RHPN2: variants seen among roughly 807,000 people sequenced by gnomAD.
The protein encoded by RHPN2 is rhophilin Rho GTPase binding protein 2, also known as rhophilin-2.
In RHPN2, 40 loss-of-function variants were observed where a neutral mutation model predicts 79.0. That is an observed-to-expected ratio of 0.51 (90% CI 0.39 to 0.66). The LOEUF (loss-of-function observed/expected upper bound fraction) is 0.66, where lower values mean the gene tolerates loss of function less well. Ranked by LOEUF, RHPN2 falls within the 30% of genes least tolerant of loss-of-function variation. RHPN2 has a pLI of 0.00. For missense variants in RHPN2, 686 were observed against 883.5 expected (o/e 0.78, Z 2.83); for synonymous variants, 285 against 363.5 (o/e 0.78, Z 2.46).
At chr19:33,038,152 A>G (rs1972073467) in intron 2 of RHPN2, among the ~76,000 whole-genome samples, 1 of 151,952 alleles carries the variant, frequency 6.6e-6, no homozygotes. Context: ...GAGTTTGAGA[A>G]CAGCCTGGAC....
chr19:33,060,285 A>G (rs937745783), intron 1 of RHPN2, among the ~76,000 whole-genome samples: 1 of 151,918 alleles, frequency 6.6e-6, no homozygotes, highest in Non-Finnish European at 1.5e-5. Flanking sequence ...AGGTGGGACC[A>G]TAGCTGGGTG....
At chr19:33,058,147 G>A (rs1387045643) in intron 1 of RHPN2, among the ~76,000 whole-genome samples, 2 of 152,088 alleles carry the variant, frequency 1.3e-5, no homozygotes, top group East Asian at 1.9e-4. Flanking sequence ...GCAACAGAGC[G>A]AGACTCCATT....
At chr19:33,014,540 A>G (rs1313328863) in intron 4 of RHPN2, among the ~76,000 whole-genome samples, 1 of 152,094 alleles carries the variant, frequency 6.6e-6, no homozygotes, top group Non-Finnish European at 1.5e-5. Context: ...TCCTGGCCTC[A>G]GGTGATCCTC....
intron 6 of RHPN2, among the ~76,000 whole-genome samples, chr19:33,010,425 C>T (rs1318572681): frequency 6.6e-6 from 1 of 151,260 alleles, no homozygotes; most frequent in Non-Finnish European, 1.5e-5. Context: ...CTCTGTCACC[C>T]AGGCTGGAGT....
chr19:33,045,464 C>T (rs1437025342), intron 1 of RHPN2, among the ~76,000 whole-genome samples: 1 of 151,862 alleles, frequency 6.6e-6, no homozygotes, highest in East Asian at 1.9e-4. Context: ...AGTTACAGAA[C>T]CATCAGTGCT....
At chr19:32,994,876 A>G (rs1971688400) in intron 11 of RHPN2, among the ~76,000 whole-genome samples, 1 of 151,620 alleles carries the variant, frequency 6.6e-6, no homozygotes, top group Admixed American at 6.6e-5. Context: ...GGCTTGAACC[A>G]GGGAGGCAGA....
At chr19:33,030,340 C>G (rs1291379127) in intron 2 of RHPN2, among the ~76,000 whole-genome samples, 1 of 152,158 alleles carries the variant, frequency 6.6e-6, no homozygotes, top group Non-Finnish European at 1.5e-5. Flanking sequence ...CATCTGTAAT[C>G]CCAGCACTTT....
At chr19:33,027,311 A>G (rs891127097) in intron 2 of RHPN2, 2 of 152,926 alleles carry the variant, frequency 1.3e-5, no homozygotes, top group African/African-American at 4.8e-5. Flanking sequence ...ATCACAGTAC[A>G]TAAATAAATA....
intron 7 of RHPN2, among the ~76,000 whole-genome samples, chr19:33,007,618 C>A (rs71351707): frequency 0.2 from 30,199 of 152,072 alleles, 3,076 homozygotes; most frequent in Middle Eastern, 0.28. Flanking sequence ...TTATTCTGCT[C>A]TTCATGACAG....
At chr19:33,014,686 G>A (rs1010533137) in intron 4 of RHPN2, among the ~76,000 whole-genome samples, 2 of 152,084 alleles carry the variant, frequency 1.3e-5, no homozygotes, top group African/African-American at 4.8e-5. Context: ...TTGGGAGGCT[G>A]AGGTAGGTAG....
chr19:33,020,968 G>A (rs1971919556), intron 4 of RHPN2, among the ~76,000 whole-genome samples: 1 of 152,102 alleles, frequency 6.6e-6, no homozygotes, highest in South Asian at 2.1e-4. Context: ...TTTTTGAAAA[G>A]TTTGGAAATT....
chr19:32,979,833 C>A lies in RHPN2; in HGVS notation c.*163G>T, dbSNP rs1053647709. On this transcript the variant is annotated 3_prime_UTR_variant, in exon 15 of 15. Coordinates refer to ENST00000254260, the MANE Select transcript of RHPN2 (RefSeq NM_033103.5). The stretch of plus-strand genomic sequence containing the variant: ...TTTTTTCACTAATTCCTAGAGGTTT[C>A]TTGGTTACTTTCCTTCATAAAAACA... The A allele has an allele frequency of 3.4e-5, 29 of 850,192 alleles. No homozygotes were observed. The highest frequency in any genetic ancestry group is 5.1e-5 in the African/African-American group (3 of 58,586). 52.7% of individuals were successfully genotyped at this position (850,192 alleles called of 1,614,324 possible).
chr19:33,021,486 A>G, intron 4 of RHPN2, 85 bp downstream of exon 4: 1 of 1,116,000 alleles, frequency 9.0e-7, no homozygotes, highest in Non-Finnish European at 1.4e-6. Flanking sequence ...CCTCCCAAGT[A>G]ACTGGGACTA....
chr19:33,028,005 C>T (rs1971981708), intron 2 of RHPN2, among the ~76,000 whole-genome samples: 1 of 152,098 alleles, frequency 6.6e-6, no homozygotes, highest in African/African-American at 2.4e-5. Context: ...AAATTAAAGG[C>T]ATCCAGATTA....
chr19:32,993,421 C>T (rs1599808903), intron 12 of RHPN2, among the ~76,000 whole-genome samples: 4 of 152,218 alleles, frequency 2.6e-5, no homozygotes, highest in Admixed American at 2.6e-4. Context: ...CTGCAGTGAG[C>T]TGAGATCGCA....
intron 4 of RHPN2, among the ~76,000 whole-genome samples, chr19:33,016,940 C>A (rs1971882804): frequency 6.6e-6 from 1 of 152,202 alleles, no homozygotes; most frequent in Non-Finnish European, 1.5e-5. Flanking sequence ...TGGTTGGAAG[C>A]CTGTGCCGAA....
Position 33,011,674 on chromosome 19 carries a change from C to A in RHPN2, c.593+5G>T, listed in dbSNP as rs2145238093. 1 of 1,613,976 alleles carries A rather than the reference C, an allele frequency of 6.2e-7. No homozygotes were observed. Among genetic ancestry groups the A allele is most frequent in the Non-Finnish European group, 8.5e-7 (1 of 1,179,866 alleles). On this transcript the variant is annotated splice_donor_5th_base_variant and intron_variant, in intron 6 of 14. Coordinates refer to ENST00000254260, the MANE Select transcript of RHPN2 (RefSeq NM_033103.5). ...GAAGCGCCAGCGCAGACCTCAAGCACCTACCAGGTGAACAGGAGTCCCATC... is the reference window on the plus strand; with the variant it reads ...GAAGCGCCAGCGCAGACCTCAAGCAACTACCAGGTGAACAGGAGTCCCATC...
At chr19:33,061,470 G>C (rs1456130728) in intron 1 of RHPN2, among the ~76,000 whole-genome samples, 1 of 150,404 alleles carries the variant, frequency 6.6e-6, no homozygotes, top group African/African-American at 2.5e-5. Context: ...CTCCCAAAGT[G>C]CTGGGATTTT....
At chr19:33,008,241 G>GA in intron 6 of RHPN2, 61 bp from the exon 7 acceptor site, 1 of 1,442,676 alleles carries the variant, frequency 6.9e-7, no homozygotes, top group Non-Finnish European at 9.5e-7. Context: ...GCTACAAGTG[G>GA]AAAAAATTCT....
Sources: allele counts gnomAD v4.1 joint callset (sites outside exome capture counted in the v4.1 genomes callset), GRCh38; gene constraint gnomAD v4.1.1; transcripts MANE v1.5; gene names NCBI Gene and HGNC (gene_info 2026-07-23, HGNC 2026-07-21).